CTNND2: variants seen among roughly 807,000 people sequenced by gnomAD.
The protein encoded by CTNND2 is catenin delta-2.
A neutral mutation model predicts 144.4 loss-of-function variants in CTNND2; 22 were observed. The ratio of observed to expected loss-of-function variants is 0.15; its 90% CI spans 0.11 to 0.22. The LOEUF (loss-of-function observed/expected upper bound fraction) is 0.22, where lower values mean the gene tolerates loss of function less well. Among genes scored for constraint, CTNND2 ranks in the 10% least tolerant of loss-of-function variants. The pLI, the probability that CTNND2 is intolerant of heterozygous loss-of-function variation, is 1.00. For missense variants in CTNND2, 1,353 were observed against 1,618.8 expected (o/e 0.84, Z 2.82); for synonymous variants, 751 against 695.6 (o/e 1.08, Z -1.25).
intron 1 of CTNND2, among the ~76,000 whole-genome samples, chr5:11,742,672 A>G (rs1456078941): frequency 1.3e-5 from 2 of 152,198 alleles, no homozygotes; most frequent in Non-Finnish European, 2.9e-5. Context: ...AGGTATTGTT[A>G]TTTAAATATA....
chr5:11,337,225 T>G (rs1557758), intron 9 of CTNND2, among the ~76,000 whole-genome samples: 1 of 152,208 alleles, frequency 6.6e-6, no homozygotes, highest in Admixed American at 6.5e-5. Flanking sequence ...CTGGAGTGTT[T>G]AGATTTCACA....
chr5:10,984,964 C>G (rs1737752478), intron 20 of CTNND2, among the ~76,000 whole-genome samples: 1 of 152,080 alleles, frequency 6.6e-6, no homozygotes, highest in African/African-American at 2.4e-5. Flanking sequence ...ATCCCAGCTA[C>G]TCGAAACGCT....
At chr5:11,710,435 G>C (rs1477184847) in intron 2 of CTNND2, among the ~76,000 whole-genome samples, 1 of 151,766 alleles carries the variant, frequency 6.6e-6, no homozygotes, top group Non-Finnish European at 1.5e-5. Flanking sequence ...AGCTACTTGG[G>C]AGGCTGAGGC....
intron 3 of CTNND2, among the ~76,000 whole-genome samples, chr5:11,508,627 C>T (rs1470693551): frequency 6.6e-6 from 1 of 152,070 alleles, no homozygotes; most frequent in African/African-American, 2.4e-5. Context: ...AAAATATTCC[C>T]AGGGCCGGGT....
intron 2 of CTNND2, among the ~76,000 whole-genome samples, chr5:11,691,511 C>T (rs1784908611): frequency 6.6e-6 from 1 of 151,900 alleles, no homozygotes; most frequent in Non-Finnish European, 1.5e-5. Flanking sequence ...AAGTACTCAA[C>T]CAAAGCATCA....
chr5:11,267,651 C>A (rs1458490488), intron 9 of CTNND2, among the ~76,000 whole-genome samples: 2 of 152,220 alleles, frequency 1.3e-5, no homozygotes, highest in Admixed American at 1.3e-4. Flanking sequence ...AAGGACTGCA[C>A]ACACTTTGCA....
chr5:11,528,959 T>G (rs1220845246), intron 3 of CTNND2, among the ~76,000 whole-genome samples: 1 of 152,172 alleles, frequency 6.6e-6, no homozygotes, highest in Non-Finnish European at 1.5e-5. Context: ...GAGTTTCTGA[T>G]CTTCTCACAG....
chr5:11,042,869 G>A (rs1272230274), intron 16 of CTNND2, among the ~76,000 whole-genome samples: 4 of 152,060 alleles, frequency 2.6e-5, no homozygotes, highest in Admixed American at 6.6e-5. Context: ...CTAATTTCAT[G>A]CCAGGTGCCT....
chr5:11,628,897 T>C (rs1257949881), intron 2 of CTNND2, among the ~76,000 whole-genome samples: 1 of 152,196 alleles, frequency 6.6e-6, no homozygotes, highest in Admixed American at 6.5e-5. Context: ...GCATGCCTCT[T>C]GGTGATGGGA....
At chr5:11,529,638 CT>C (rs1281622702) in intron 3 of CTNND2, among the ~76,000 whole-genome samples, 1 of 152,188 alleles carries the variant, frequency 6.6e-6, no homozygotes, top group African/African-American at 2.4e-5. Flanking sequence ...TTTACTACAT[CT>C]TTAGCATAAC....
Position 11,109,115 on chromosome 5 carries a change from A to G in CTNND2, c.2463+1743T>C, listed in dbSNP as rs544750751. On this transcript the variant is annotated intron_variant, in intron 14 of 21. Transcript: ENST00000304623. ...TGGGAGGTTTTGTCCAAAACGGACT[A>G]GAGAAACTAGCAATTCCTTAGAACT... 1.2e-4 allele frequency among the ~76,000 whole-genome samples: 19 copies of G among 152,310 alleles called. No homozygotes were observed. In the East Asian group the frequency reaches 3.5e-3, roughly 28 times the overall value.
chr5:11,214,771 G>C (rs1738994659), intron 10 of CTNND2, among the ~76,000 whole-genome samples: 1 of 152,070 alleles, frequency 6.6e-6, no homozygotes, highest in Non-Finnish European at 1.5e-5. Flanking sequence ...GGAAATTCCT[G>C]AGCAGGTTGT....
chr5:11,669,660 T>C (rs1472620771), intron 2 of CTNND2, among the ~76,000 whole-genome samples: 1 of 151,318 alleles, frequency 6.6e-6, no homozygotes, highest in Non-Finnish European at 1.5e-5. Context: ...CTCTCTTTTC[T>C]CATTAGTCCT....
chr5:11,810,053 A>T (rs1207575203), intron 1 of CTNND2, among the ~76,000 whole-genome samples: 1 of 152,180 alleles, frequency 6.6e-6, no homozygotes, highest in African/African-American at 2.4e-5. Flanking sequence ...TCCCCGGACA[A>T]ATCTGACATC....
Position 11,766,309 on chromosome 5 carries a change from A to C in CTNND2, c.38-34037T>G, listed in dbSNP as rs562288518. Among the ~76,000 whole-genome samples the C allele has an allele frequency of 7.8e-4, 119 of 152,194 alleles. 1 individual carries two copies. The Middle Eastern group carries it at 0.014, about 17-fold the overall frequency. On this transcript the variant is annotated intron_variant, in intron 1 of 21. Transcript: ENST00000304623. ...CCGCTTGATGTTCAAATGGGTGGTG[A>C]TATGGTTTGGCTGTGTCCCCACCCA...
At position 11,021,802 on chromosome 5, in the gene CTNND2, T is replaced by C. The variant is rs868726189; in HGVS notation, c.2999+967A>G. ...AACAACAAACTATTTAGCATTTACA[T>C]GTAAAAGAATGGGGGGTGGGGGTGG... is the stretch of plus-strand genomic sequence containing the variant. On this transcript the variant is annotated intron_variant, in intron 17 of 21. Transcript: ENST00000304623. Among the ~76,000 whole-genome samples, 6 of 149,194 alleles carry C rather than the reference T, an allele frequency of 4.0e-5. No individual in the cohort carries two copies. In the South Asian group the frequency reaches 1.3e-3, roughly 32 times the overall value.
At chr5:11,127,644 C>T (rs1754813653) in intron 12 of CTNND2, among the ~76,000 whole-genome samples, 1 of 149,916 alleles carries the variant, frequency 6.7e-6, no homozygotes, top group Admixed American at 6.6e-5. Context: ...TTTCAATTCC[C>T]CCTTTTAGAA....
intron 12 of CTNND2, among the ~76,000 whole-genome samples, chr5:11,119,751 G>A (rs973532474): frequency 1.2e-4 from 19 of 152,208 alleles, no homozygotes; most frequent in Admixed American, 3.9e-4. Context: ...TCTTTAGCGT[G>A]GCAAGTTAGC....
At chr5:11,511,323 G>A (rs1175416507) in intron 3 of CTNND2, among the ~76,000 whole-genome samples, 1 of 152,176 alleles carries the variant, frequency 6.6e-6, no homozygotes, top group African/African-American at 2.4e-5. Flanking sequence ...AACCCAGGAT[G>A]TGTCCAGAAA....
Sources: allele counts gnomAD v4.1 joint callset (sites outside exome capture counted in the v4.1 genomes callset), GRCh38; gene constraint gnomAD v4.1.1; transcripts MANE v1.5; gene names NCBI Gene and HGNC (gene_info 2026-07-23, HGNC 2026-07-21).